Variants in SGCZ observed in about 807,000 individuals in gnomAD.
SGCZ encodes the protein zeta-sarcoglycan.
A neutral mutation model predicts 41.3 loss-of-function variants in SGCZ; 40 were observed. That is an observed-to-expected ratio of 0.97 (90% CI 0.75 to 1.26). The LOEUF (loss-of-function observed/expected upper bound fraction) is 1.26, where lower values mean the gene tolerates loss of function less well. SGCZ is among the 50% of genes most tolerant of loss of function. The probability of loss-of-function intolerance (pLI) is 0.00; values close to 1 mark genes in which losing one functional copy is unlikely to be tolerated. For missense variants in SGCZ, 552 were observed against 369.8 expected, an observed-to-expected ratio of 1.49 and a Z score of -4.04; for synonymous variants, 206 against 137.5, an observed-to-expected ratio of 1.50 and a Z score of -3.49.
intron 1 of SGCZ, among the ~76,000 whole-genome samples, chr8:14,635,775 G>C (rs1200405386): frequency 1.3e-5 from 2 of 151,854 alleles, no homozygotes; most frequent in African/African-American, 4.8e-5. Context: ...GAGGGTCTTA[G>C]AACATATCCC....
chr8:14,888,522 C>A (rs1020011419), intron 1 of SGCZ, among the ~76,000 whole-genome samples: 5 of 151,972 alleles, frequency 3.3e-5, no homozygotes, highest in African/African-American at 4.8e-5. Context: ...CAACAATGAA[C>A]AAAGAAATAA....
chr8:14,713,410 G>A (rs1809584698), intron 1 of SGCZ, among the ~76,000 whole-genome samples: 1 of 152,040 alleles, frequency 6.6e-6, no homozygotes, highest in Non-Finnish European at 1.5e-5. Flanking sequence ...CCAGACAAAA[G>A]TAGAAGGGAA....
intron 3 of SGCZ, among the ~76,000 whole-genome samples, chr8:14,246,421 G>A (rs1164353270): frequency 6.6e-6 from 1 of 150,700 alleles, no homozygotes; most frequent in Admixed American, 6.6e-5. Context: ...ACAGGAAAGG[G>A]AACATGACAC....
At chr8:15,183,563 A>ATT (rs1239246422) in intron 1 of SGCZ, among the ~76,000 whole-genome samples, 1 of 152,160 alleles carries the variant, frequency 6.6e-6, no homozygotes, top group Non-Finnish European at 1.5e-5. Flanking sequence ...TGTGTTACTG[A>ATT]TTAGAGGGCT....
At chr8:14,288,703 T>C (rs1056956398) in intron 3 of SGCZ, among the ~76,000 whole-genome samples, 13 of 152,194 alleles carry the variant, frequency 8.5e-5, no homozygotes, top group Non-Finnish European at 1.8e-4. Flanking sequence ...TTTTAGTTTT[T>C]TCTACATTTT....
intron 2 of SGCZ, among the ~76,000 whole-genome samples, chr8:14,489,897 C>T (rs573182497): frequency 1.6e-5 from 2 of 124,280 alleles, no homozygotes; most frequent in Admixed American, 1.9e-4. Flanking sequence ...GATGGAGTCT[C>T]GCTCTGTCGC....
At chr8:14,885,902 C>T (rs1804770790) in intron 1 of SGCZ, among the ~76,000 whole-genome samples, 1 of 148,620 alleles carries the variant, frequency 6.7e-6, no homozygotes, top group African/African-American at 2.5e-5. Context: ...GAATAAAATT[C>T]ACCCTTAATA....
chr8:14,546,928 T>C (rs1259243766), intron 2 of SGCZ, among the ~76,000 whole-genome samples: 1 of 152,156 alleles, frequency 6.6e-6, no homozygotes, highest in Admixed American at 6.5e-5. Flanking sequence ...TCCCTAAGTT[T>C]CTGCCTTTTC....
intron 3 of SGCZ, among the ~76,000 whole-genome samples, chr8:14,237,995 C>G (rs950778189): frequency 2.0e-5 from 3 of 152,200 alleles, no homozygotes; most frequent in Admixed American, 6.5e-5. Flanking sequence ...CTATGCCTGC[C>G]TGTGCAGATA....
intron 2 of SGCZ, among the ~76,000 whole-genome samples, chr8:14,423,659 C>T (rs1434583197): frequency 6.6e-6 from 1 of 152,212 alleles, no homozygotes; most frequent in Non-Finnish European, 1.5e-5. Context: ...GGTGATCCGC[C>T]TGCCTTGGCC....
intron 2 of SGCZ, among the ~76,000 whole-genome samples, chr8:14,444,767 C>G (rs1329519810): frequency 6.6e-6 from 1 of 151,914 alleles, no homozygotes; most frequent in African/African-American, 2.4e-5. Context: ...ACATATGTAA[C>G]TAACCGGCAT....
intron 1 of SGCZ, among the ~76,000 whole-genome samples, chr8:14,571,119 C>T (rs1000269650): frequency 6.6e-6 from 1 of 152,078 alleles, no homozygotes; most frequent in Non-Finnish European, 1.5e-5. Context: ...AGGAAACTTA[C>T]AATCTTGGTG....
Position 14,401,291 on chromosome 8 carries a change from T to C in SGCZ, c.235-77087A>G, listed in dbSNP as rs1490553783. Among the ~76,000 whole-genome samples, 6 of 151,122 alleles carry C rather than the reference T, an allele frequency of 4.0e-5. No homozygotes were observed. In the South Asian group the frequency reaches 8.3e-4, roughly 21 times the overall value. ...AGTTTTATTTTTATTTATTTTTTTT[T>C]CTTTAATTATTATACTTTAAGTTTT... On this transcript the variant is annotated intron_variant, in intron 2 of 7. Transcript: ENST00000382080.
At chr8:14,718,791 C>G (rs145463633) in intron 1 of SGCZ, among the ~76,000 whole-genome samples, 1 of 150,558 alleles carries the variant, frequency 6.6e-6, no homozygotes, top group Non-Finnish European at 1.5e-5. Flanking sequence ...TTTAGAAATC[C>G]CTTCTTCTTA....
chr8:14,801,262 C>T (rs1585272098), intron 1 of SGCZ, among the ~76,000 whole-genome samples: 2 of 152,250 alleles, frequency 1.3e-5, no homozygotes, highest in African/African-American at 4.8e-5. Flanking sequence ...TTGGTCATTA[C>T]ATCAGCAAAT....
intron 1 of SGCZ, among the ~76,000 whole-genome samples, chr8:14,740,598 G>C (rs1231744726): frequency 6.6e-6 from 1 of 151,960 alleles, no homozygotes. Context: ...CTAATTAAGA[G>C]CTGACATAGG....
chr8:14,329,153 G>T (rs756553421), intron 2 of SGCZ, among the ~76,000 whole-genome samples: 1 of 152,168 alleles, frequency 6.6e-6, no homozygotes, highest in Non-Finnish European at 1.5e-5. Flanking sequence ...ATTGTTCACA[G>T]ACAGTATAGT....
At chr8:14,687,397 A>G (rs1252082702) in intron 1 of SGCZ, among the ~76,000 whole-genome samples, 5 of 139,626 alleles carry the variant, frequency 3.6e-5, no homozygotes, top group Admixed American at 8.0e-5. Flanking sequence ...TCCTGTGTCC[A>G]TGTGTTCTCA....
At chr8:14,250,199 C>A (rs1469975730) in intron 3 of SGCZ, among the ~76,000 whole-genome samples, 3 of 152,142 alleles carry the variant, frequency 2.0e-5, no homozygotes, top group Admixed American at 6.5e-5. Context: ...AAGCTCCCAG[C>A]CAGAACCTTT....
Sources: gnomAD v4.1 joint callset for allele counts (sites outside exome capture counted in the v4.1 genomes callset) on GRCh38, gnomAD v4.1.1 for gene constraint, MANE v1.5 for transcripts, NCBI Gene and HGNC (gene_info 2026-07-23, HGNC 2026-07-21) for gene names.